The following PBX4 variants were observed in gnomAD, a reference collection of about 807,000 sequenced individuals.
PBX4 encodes PBX homeobox 4, also known as pre-B-cell leukemia transcription factor 4.
Under a neutral mutation model 35.1 loss-of-function variants are expected in PBX4, and 26 were observed. The observed-to-expected ratio is 0.74, with a 90% CI of 0.54 to 1.03. The LOEUF (loss-of-function observed/expected upper bound fraction) is 1.03, where lower values mean the gene tolerates loss of function less well. PBX4 is among the 50% of genes least tolerant of loss of function. PBX4 has a pLI of 0.00. For missense variants in PBX4, 448 were observed against 504.3 expected, an observed-to-expected ratio of 0.89 and a Z score of 1.07; for synonymous variants, 199 against 204.2, an observed-to-expected ratio of 0.97 and a Z score of 0.22.
intron 1 of PBX4, among the ~76,000 whole-genome samples, chr19:19,605,660 G>T (rs946871709): frequency 3.3e-5 from 5 of 151,438 alleles, no homozygotes; most frequent in Non-Finnish European, 5.9e-5. Context: ...AACAGAGACG[G>T]GTTCTCCCTA....
chr19:19,573,474 C>T (rs1278048262), intron 2 of PBX4, among the ~76,000 whole-genome samples: 2 of 152,086 alleles, frequency 1.3e-5, no homozygotes, highest in East Asian at 3.9e-4. Flanking sequence ...AATCCACACA[C>T]CCTGTTAAAC....
At position 19,570,717 on chromosome 19, in the gene PBX4, C is replaced by T; in HGVS notation, c.310G>A (p.Ala104Thr). ...GTTGCTGTGCCGGCCCTGGCCACCG[C>T]TCCTCCTCTTCCTCTCTTCTCGGGC... ...CRPEKRGRGGAVARAGTATPG... is the reference protein window; with the variant it reads ...CRPEKRGRGGTVARAGTATPG... The change falls in exon 3 of 8, where the codon GCG becomes ACG. Residue 104 changes from alanine (A) to threonine (T), a missense_variant. Coordinates refer to ENST00000251203, the MANE Select transcript of PBX4 (RefSeq NM_025245.3). 2 of 1,614,166 alleles carry T rather than the reference C, an allele frequency of 1.2e-6. No homozygotes were observed. The highest frequency in any genetic ancestry group is 1.6e-4 in the Middle Eastern group (1 of 6,062).
intron 1 of PBX4, among the ~76,000 whole-genome samples, chr19:19,602,131 G>C (rs1599375994): frequency 6.6e-6 from 1 of 152,168 alleles, no homozygotes; most frequent in East Asian, 1.9e-4. Context: ...AGCAGAATAA[G>C]AACCCAGAAG....
In PBX4 at chr19:19,618,609, G is replaced by A; in HGVS notation, c.21C>T (p.Pro7=). Reference sequence around the variant, plus strand: ...GCCGCGGGGCGGGGGGCGATGGCGCGGGGCGCGGCGGGGCGGCCATGAGCG... The same window carrying A: ...GCCGCGGGGCGGGGGGCGATGGCGCAGGGCGCGGCGGGGCGGCCATGAGCG... MAAPPR[P]APSPPAPRRL... The change falls in exon 1 of 8, where the codon CCC becomes CCT. Residue 7 remains proline, a synonymous_variant. Coordinates refer to ENST00000251203, the MANE Select transcript of PBX4 (RefSeq NM_025245.3). 1.6e-6 allele frequency: 2 copies of A among 1,257,786 alleles called. No individual in the cohort carries two copies. Among genetic ancestry groups the A allele is most frequent in the Non-Finnish European group, 1.0e-6 (1 of 1,000,168 alleles). The allele number at this position is 1,257,786 out of a possible 1,614,324, so 77.9% of individuals were successfully genotyped here. A position where few individuals can be genotyped will look rare whatever the true frequency, so the allele number is the denominator to read the frequency against.
intron 5 of PBX4, 105 bp downstream of exon 5, chr19:19,569,344 T>C (rs2061365342): frequency 4.3e-6 from 6 of 1,407,840 alleles, no homozygotes; most frequent in Non-Finnish European, 5.7e-6. Context: ...CCAGCAGCCA[T>C]GCCTGGCCTC....
In PBX4 at chr19:19,562,364, T is replaced by C. The variant is rs1600387608; in HGVS notation, c.1033-247A>G. Among the ~76,000 whole-genome samples, 1 of 152,216 alleles carries C rather than the reference T, an allele frequency of 6.6e-6. No individual in the cohort carries two copies. Among genetic ancestry groups the C allele is most frequent in the South Asian group, 2.1e-4 (1 of 4,816 alleles). Reference sequence around the variant, plus strand: ...GAAAACTGGCCTCTAGTGGCTTCCCTGGGGCTTAGGCAAAGGACTGACTGG... The same window carrying C: ...GAAAACTGGCCTCTAGTGGCTTCCCCGGGGCTTAGGCAAAGGACTGACTGG... On this transcript the variant is annotated intron_variant, in intron 7 of 7. Coordinates refer to ENST00000251203, the MANE Select transcript of PBX4 (RefSeq NM_025245.3). The surrounding 1 kb of genome is among the most constrained non-coding windows in gnomAD (Gnocchi z 4.8).
In PBX4 at chr19:19,561,870, A is replaced by T; in HGVS notation, c.*155T>A. ...CATCTCGAGTCGCAGCAGACACATG[A>T]GCCGGCGCCACGGGCCTGGCTGAGG... On this transcript the variant is annotated 3_prime_UTR_variant, in exon 8 of 8. Transcript: ENST00000251203. 5.3e-6 allele frequency: 3 copies of T among 569,570 alleles called. No individual in the cohort carries two copies. The highest frequency in any genetic ancestry group is 9.2e-6 in the Non-Finnish European group (3 of 327,728). 35.3% of individuals were successfully genotyped at this position (569,570 alleles called of 1,614,324 possible).
intron 2 of PBX4, among the ~76,000 whole-genome samples, chr19:19,598,286 T>G (rs1277303881): frequency 1.4e-5 from 2 of 147,108 alleles, no homozygotes; most frequent in African/African-American, 2.5e-5. Flanking sequence ...CTTTTCTTTT[T>G]CTTTTCTTTC....
At chr19:19,598,297 CTT>C (rs34977299) in intron 2 of PBX4, among the ~76,000 whole-genome samples, 5 of 129,216 alleles carry the variant, frequency 3.9e-5, no homozygotes, top group Non-Finnish European at 4.8e-5. Context: ...CTTTTCTTTC[CTT>C]TTTTTTTTTT....
intron 2 of PBX4, among the ~76,000 whole-genome samples, chr19:19,574,133 TC>T (rs1046776038): frequency 3.3e-5 from 5 of 152,192 alleles, no homozygotes; most frequent in African/African-American, 1.2e-4. Context: ...CGCCTCGGCC[TC>T]CCAAAGTGCT....
chr19:19,603,004 A>C (rs1384705140), intron 1 of PBX4, among the ~76,000 whole-genome samples: 1 of 152,194 alleles, frequency 6.6e-6, no homozygotes, highest in Non-Finnish European at 1.5e-5. Flanking sequence ...AAAATTATTT[A>C]AACTATCTAA....
At chr19:19,602,633 CT>C (rs2061604478) in intron 1 of PBX4, among the ~76,000 whole-genome samples, 1 of 152,008 alleles carries the variant, frequency 6.6e-6, no homozygotes, top group Non-Finnish European at 1.5e-5. Flanking sequence ...TTAAGTCTCA[CT>C]ATATTGCCCA....
chr19:19,618,434 T>A, intron 1 of PBX4, 77 bp downstream of exon 1: 1 of 1,291,898 alleles, frequency 7.7e-7, no homozygotes, highest in Non-Finnish European at 9.9e-7. Context: ...CAGTCTGGCC[T>A]CCACGCCCCG....
chr19:19,597,098 C>T (rs1193134349), intron 2 of PBX4, among the ~76,000 whole-genome samples: 2 of 151,942 alleles, frequency 1.3e-5, no homozygotes, highest in African/African-American at 2.4e-5. Context: ...CCTGTAATCC[C>T]GGCTACTCAG....
intron 2 of PBX4, among the ~76,000 whole-genome samples, chr19:19,580,426 T>TG (rs1173676763): frequency 6.6e-6 from 1 of 152,148 alleles, no homozygotes; most frequent in Non-Finnish European, 1.5e-5. Flanking sequence ...TCCTGACCAG[T>TG]GACCCTTAGA....
intron 2 of PBX4, among the ~76,000 whole-genome samples, chr19:19,596,385 T>C (rs140372719): frequency 1.3e-5 from 2 of 151,340 alleles, no homozygotes; most frequent in South Asian, 2.1e-4. Flanking sequence ...AATAAATAAA[T>C]AAACAAACAA....
At chr19:19,604,746 G>A (rs1206440105) in intron 1 of PBX4, among the ~76,000 whole-genome samples, 3 of 151,812 alleles carry the variant, frequency 2.0e-5, no homozygotes, top group African/African-American at 4.8e-5. Flanking sequence ...AACTATAGGC[G>A]CGTGCCACCA....
At chr19:19,580,442 C>T (rs914053120) in intron 2 of PBX4, among the ~76,000 whole-genome samples, 2 of 152,124 alleles carry the variant, frequency 1.3e-5, no homozygotes, top group East Asian at 1.9e-4. Context: ...TTAGAAAGAA[C>T]GGGGCCACTG....
intron 2 of PBX4, among the ~76,000 whole-genome samples, chr19:19,576,459 C>T (rs1439361243): frequency 2.0e-5 from 3 of 151,870 alleles, no homozygotes; most frequent in South Asian, 2.1e-4. Context: ...CTCCTGACCT[C>T]GTGATCCACG....
Sources: gnomAD v4.1 joint callset for allele counts (sites outside exome capture counted in the v4.1 genomes callset) on GRCh38, gnomAD v4.1.1 for gene constraint, Gnocchi (gnomAD v3.1) non-coding constraint, MANE v1.5 for transcripts, NCBI Gene and HGNC (gene_info 2026-07-23, HGNC 2026-07-21) for gene names.